Variants in CACNG3 observed in about 807,000 individuals in gnomAD.
CACNG3 encodes the protein calcium voltage-gated channel auxiliary subunit gamma 3, also known as voltage-dependent calcium channel gamma-3 subunit.
Under a neutral mutation model 28.5 loss-of-function variants are expected in CACNG3, and 3 were observed. That is an observed-to-expected ratio of 0.11 (90% CI 0.05 to 0.27). The LOEUF is 0.27. CACNG3 is among the 10% of genes least tolerant of loss of function. The probability of loss-of-function intolerance (pLI) is 1.00; values close to 1 mark genes in which losing one functional copy is unlikely to be tolerated. For synonymous variants in CACNG3, 174 were observed against 162.2 expected (o/e 1.07, Z -0.55); for missense variants, 236 against 414.4 (o/e 0.57, Z 3.74).
chr16:24,312,004 T>G (rs558216810), intron 1 of CACNG3, among the ~76,000 whole-genome samples: 1 of 152,310 alleles, frequency 6.6e-6, no homozygotes, highest in Admixed American at 6.5e-5. Context: ...CCTATTTGAT[T>G]TGAGAAAATG....
At chr16:24,353,667 C>T (rs76555084) in intron 2 of CACNG3, among the ~76,000 whole-genome samples, 4,655 of 152,352 alleles carry the variant, frequency 0.031, 187 homozygotes, top group African/African-American at 0.095. Flanking sequence ...CCCGCCACAA[C>T]ACCTAGCATC....
chr16:24,329,051 G>C (rs1003416925), intron 1 of CACNG3, among the ~76,000 whole-genome samples: 24 of 152,294 alleles, frequency 1.6e-4, no homozygotes, highest in East Asian at 3.9e-4. Context: ...ACACCGCCCT[G>C]TTTCCCTTCT....
In CACNG3 at chr16:24,344,849, C is replaced by T. The variant is rs115243145; in HGVS notation, c.212-1885C>T. On this transcript the variant is annotated intron_variant, in intron 1 of 3. Transcript: ENST00000005284. The stretch of plus-strand genomic sequence containing the variant: ...GACATCATGATAGTAGCCATGGTAG[C>T]CATAATAATAACGGCTACTATTCAT... 5.2e-3 allele frequency among the ~76,000 whole-genome samples: 798 copies of T among 152,236 alleles called. 8 individuals carry two copies. The highest frequency in any genetic ancestry group is 0.019 in the African/African-American group (769 of 41,538).
chr16:24,303,316 T>G (rs1899139074), intron 1 of CACNG3, among the ~76,000 whole-genome samples: 1 of 151,832 alleles, frequency 6.6e-6, no homozygotes, highest in African/African-American at 2.4e-5. Context: ...ATGGTTGGCT[T>G]CATCTTATTA....
intron 1 of CACNG3, among the ~76,000 whole-genome samples, chr16:24,282,734 A>C (rs1298948333): frequency 1.3e-5 from 2 of 152,218 alleles, no homozygotes; most frequent in African/African-American, 4.8e-5. Flanking sequence ...ACACATATGT[A>C]TGTATATGTG....
chr16:24,347,307 G>A (rs1899882941), intron 2 of CACNG3, among the ~76,000 whole-genome samples: 1 of 152,058 alleles, frequency 6.6e-6, no homozygotes, highest in Non-Finnish European at 1.5e-5. Context: ...GACAGAGTGA[G>A]ACCCTGTCTC....
intron 1 of CACNG3, among the ~76,000 whole-genome samples, chr16:24,293,600 C>T (rs558696080): frequency 6.6e-6 from 1 of 152,060 alleles, no homozygotes; most frequent in Non-Finnish European, 1.5e-5. Flanking sequence ...CAATAGAACC[C>T]GCCCTCATTT....
At chr16:24,307,870 G>A (rs1313682817) in intron 1 of CACNG3, among the ~76,000 whole-genome samples, 1 of 152,170 alleles carries the variant, frequency 6.6e-6, no homozygotes, top group Non-Finnish European at 1.5e-5. Context: ...TTGCATTTCT[G>A]ATTCATAACT....
intron 1 of CACNG3, among the ~76,000 whole-genome samples, chr16:24,284,828 G>A (rs183267160): frequency 3.3e-4 from 50 of 152,116 alleles, no homozygotes; most frequent in Admixed American, 2.4e-3. Context: ...ACTAGACCTC[G>A]CAGATAAGTG....
chr16:24,355,174 C>T (rs1900012953), intron 3 of CACNG3, among the ~76,000 whole-genome samples: 1 of 151,604 alleles, frequency 6.6e-6, no homozygotes, highest in Admixed American at 6.6e-5. Context: ...GAAGGAAAAA[C>T]AGGGAGGAAA....
At chr16:24,257,213 CA>C (rs1567427391) in intron 1 of CACNG3, among the ~76,000 whole-genome samples, 1 of 151,816 alleles carries the variant, frequency 6.6e-6, no homozygotes, top group Non-Finnish European at 1.5e-5. Flanking sequence ...GCAGCTTCTG[CA>C]GTTTAGAAAA....
intron 1 of CACNG3, among the ~76,000 whole-genome samples, chr16:24,294,703 A>G (rs2141356923): frequency 6.6e-6 from 1 of 152,314 alleles, no homozygotes; most frequent in South Asian, 2.1e-4. Flanking sequence ...ACCCAGCACA[A>G]ATAAGATATT....
chr16:24,334,808 G>A (rs1376501754), intron 1 of CACNG3, among the ~76,000 whole-genome samples: 3 of 152,200 alleles, frequency 2.0e-5, no homozygotes, highest in Non-Finnish European at 2.9e-5. Flanking sequence ...TCCCGGGAGT[G>A]ATGGTTCCTG....
At chr16:24,296,333 G>A (rs762421515) in intron 1 of CACNG3, among the ~76,000 whole-genome samples, 8 of 152,184 alleles carry the variant, frequency 5.3e-5, no homozygotes, top group Non-Finnish European at 1.0e-4. Context: ...CTCTGAACTT[G>A]CAGCTCTTCC....
At chr16:24,273,356 T>C (rs1567207933) in intron 1 of CACNG3, among the ~76,000 whole-genome samples, 2 of 152,358 alleles carry the variant, frequency 1.3e-5, no homozygotes, top group East Asian at 3.9e-4. Context: ...CTCCTCCCTC[T>C]GTATTGATTA....
Position 24,361,847 on chromosome 16 carries a change from G to T in CACNG3, c.932G>T (p.Arg311Leu). ...CTGCATAATAATCCGGCCAACAGGC[G>T]CACCACGCCCGTCTGAACTGACCTC... is the stretch of plus-strand genomic sequence containing the variant. The part of the protein sequence containing the change: ...ESLHNNPANR[R>L]TTPV The change falls in exon 4 of 4, where the codon CGC becomes CTC. Residue 311 changes from arginine to leucine, a missense_variant. Physicochemically the swap from Arg to Leu is moderately radical, Grantham distance 102. Around this residue, in one of 2 missense-constraint regions of CACNG3, gnomAD observed 116 missense variants for 151.0 expected, o/e 0.77. Transcript: ENST00000005284. This position sits in a 1 kb window ranked among gnomAD's most constrained non-coding sequence, Gnocchi z 6.8. 1 of 1,607,840 alleles carries T rather than the reference G, an allele frequency of 6.2e-7. No individual in the cohort carries two copies. Among genetic ancestry groups the T allele is most frequent in the Non-Finnish European group, 8.5e-7 (1 of 1,179,134 alleles).
At chr16:24,340,384 C>T (rs367625344) in intron 1 of CACNG3, among the ~76,000 whole-genome samples, 11 of 152,074 alleles carry the variant, frequency 7.2e-5, no homozygotes, top group Admixed American at 3.9e-4. Flanking sequence ...GGCAACAGAG[C>T]GAGACCCCGT....
intron 1 of CACNG3, among the ~76,000 whole-genome samples, chr16:24,337,054 T>A (rs1426312292): frequency 6.6e-6 from 1 of 152,018 alleles, no homozygotes; most frequent in African/African-American, 2.4e-5. Flanking sequence ...GCTCAATAGA[T>A]CCTCCTGCCT....
Position 24,355,050 on chromosome 16 carries a change from A to T in CACNG3, c.436+77A>T, listed in dbSNP as rs2141383873. The T allele has an allele frequency of 2.8e-6, 4 of 1,404,580 alleles. No homozygotes were observed. In the East Asian group the frequency reaches 9.3e-5, roughly 32 times the overall value. 87.0% of individuals were successfully genotyped at this position (1,404,580 alleles called of 1,614,324 possible). ...AGGGCCACATGGAGGAAGCAATGCT[A>T]CTCAGGGCTCCCTCCAGGGAAGGAG... On this transcript the variant is annotated intron_variant, in intron 3 of 3. Coordinates refer to ENST00000005284, the MANE Select transcript of CACNG3 (RefSeq NM_006539.4).
Sources: allele counts gnomAD v4.1 joint callset (sites outside exome capture counted in the v4.1 genomes callset), GRCh38; gene constraint gnomAD v4.1.1; regional missense constraint gnomAD v4.1.1; non-coding constraint Gnocchi (gnomAD v3.1); transcripts MANE v1.5; gene names NCBI Gene and HGNC (gene_info 2026-07-23, HGNC 2026-07-21).